Variants in RFC5 observed in about 807,000 individuals in gnomAD.
RFC5 encodes A1 36 kDa subunit.
A neutral mutation model predicts 44.3 loss-of-function variants in RFC5; 26 were observed. The observed-to-expected ratio is 0.59, with a 90% CI of 0.43 to 0.81. The LOEUF is 0.81. RFC5 is among the 40% of genes least tolerant of loss of function. RFC5 has a pLI of 0.00. For synonymous variants in RFC5, 155 were observed against 155.2 expected, an observed-to-expected ratio of 1.00 and a Z score of 0.01; for missense variants, 328 against 418.6, an observed-to-expected ratio of 0.78 and a Z score of 1.89.
At chr12:118,024,830 G>A in intron 5 of RFC5, 21 bp from the exon 6 acceptor site, 2 of 1,589,360 alleles carry the variant, frequency 1.3e-6, no homozygotes, top group Non-Finnish European at 1.7e-6. Context: ...GACATGAGGT[G>A]GTTTTATTTT....
At chr12:118,037,443 G>C (rs1366999210), downstream of RFC5, among the ~76,000 whole-genome samples, 1 of 152,132 alleles carries the variant, frequency 6.6e-6, no homozygotes, top group African/African-American at 2.4e-5. Context: ...CAGGCGGGCG[G>C]ATCACCTGAG....
chr12:118,034,574 G>GCTCTCGCTCTCTCTCTCTCTCTCTCTCT, downstream of RFC5: 1 of 528,462 alleles, frequency 1.9e-6, no homozygotes, highest in Non-Finnish European at 3.3e-6. Context: ...ATACCAAAGC[G>GCTCTCGCTCTCTCTCTCTCTCTCTCTCT]CTCTCTCTGT....
chr12:118,025,405 C>G (rs2030866307), intron 6 of RFC5: 1 of 327,324 alleles, frequency 3.1e-6, no homozygotes, highest in South Asian at 6.4e-5. Flanking sequence ...ACCTGAGCAG[C>G]TGCTTGTTGT....
downstream of RFC5, chr12:118,035,035 T>C: frequency 6.2e-7 from 1 of 1,614,140 alleles, no homozygotes; most frequent in East Asian, 2.2e-5. Flanking sequence ...CAAAGCCCAT[T>C]GGTCATAGGA....
chr12:118,028,103 C>G, intron 9 of RFC5, 73 bp downstream of exon 9: 1 of 878,518 alleles, frequency 1.1e-6, no homozygotes. Context: ...ATGGTTAGGA[C>G]AGGAGGCTTC....
In RFC5 at chr12:118,031,309, G is replaced by A; in HGVS notation, c.*31G>A. Reference sequence around the variant, plus strand: ...CTGAGGGCCATTCACAATTCTCAGGGCTCAGCAGTGATGGGAGAACAGAGG... The same window carrying A: ...CTGAGGGCCATTCACAATTCTCAGGACTCAGCAGTGATGGGAGAACAGAGG... On this transcript the variant is annotated 3_prime_UTR_variant, in exon 11 of 11. Coordinates refer to ENST00000454402, the MANE Select transcript of RFC5 (RefSeq NM_007370.7). The A allele has an allele frequency of 5.6e-6, 8 of 1,424,726 alleles. No individual in the cohort carries two copies. The highest frequency in any genetic ancestry group is 7.9e-6 in the Non-Finnish European group (8 of 1,009,280). The allele number at this position is 1,424,726 out of a possible 1,614,324, so 88.3% of individuals were successfully genotyped here. A position where few individuals can be genotyped will look rare whatever the true frequency, so the allele number is the denominator to read the frequency against.
chr12:118,019,507 G>A lies in RFC5; in HGVS notation c.131-125G>A. On this transcript the variant is annotated intron_variant, in intron 2 of 10. Coordinates refer to ENST00000454402, the MANE Select transcript of RFC5 (RefSeq NM_007370.7). This position sits in a 1 kb window ranked among gnomAD's most constrained non-coding sequence, Gnocchi z 4.2. ...AGTAGATATGAGGCCCCTACATCAAGTTGTATCTGCCTCTGATTTGGACAT... is the reference window on the plus strand; with the variant it reads ...AGTAGATATGAGGCCCCTACATCAAATTGTATCTGCCTCTGATTTGGACAT... 3.8e-6 allele frequency: 4 copies of A among 1,055,120 alleles called. No homozygotes were observed. Among genetic ancestry groups the A allele is most frequent in the Non-Finnish European group, 5.6e-6 (4 of 711,350 alleles). The allele number at this position is 1,055,120 out of a possible 1,614,324, so 65.4% of individuals were successfully genotyped here. A position where few individuals can be genotyped will look rare whatever the true frequency, so the allele number is the denominator to read the frequency against.
chr12:118,036,574 AG>A (rs1231511486), downstream of RFC5: 1 of 1,505,652 alleles, frequency 6.6e-7, no homozygotes, highest in Non-Finnish European at 8.9e-7. Context: ...AAACGGAGGG[AG>A]GGAAAGGTAC....
rs1293729843 is a variant in RFC5, at chr12:118,026,873, C to A, written c.664-16C>A. 4 of 1,610,508 alleles carry A rather than the reference C, an allele frequency of 2.5e-6. No individual in the cohort carries two copies. In the South Asian group the frequency reaches 4.4e-5, roughly 18 times the overall value. On this transcript the variant is annotated splice_polypyrimidine_tract_variant and intron_variant, in intron 7 of 10. Coordinates refer to ENST00000454402, the MANE Select transcript of RFC5 (RefSeq NM_007370.7). Reference sequence around the variant, plus strand: ...ACAGCCACTGTGATCTCCCCTTTCCCCCTCTGTCTACACAGAGCACCAATA... The same window carrying A: ...ACAGCCACTGTGATCTCCCCTTTCCACCTCTGTCTACACAGAGCACCAATA...
chr12:118,030,552 C>T (rs575541583), intron 10 of RFC5, among the ~76,000 whole-genome samples: 5 of 152,214 alleles, frequency 3.3e-5, no homozygotes, highest in Admixed American at 6.5e-5. Context: ...CGTATTTTGC[C>T]GACGAAATAA....
At chr12:118,034,406 G>T (rs760071172), downstream of RFC5, 1 of 1,599,206 alleles carries the variant, frequency 6.3e-7, no homozygotes, top group East Asian at 2.2e-5. Context: ...GGATGTTCAT[G>T]TTTTCATGAG....
At chr12:118,026,773 T>G (rs574329583) in intron 7 of RFC5, 116 bp from the exon 8 acceptor site, 19 of 1,128,436 alleles carry the variant, frequency 1.7e-5, no homozygotes, top group Non-Finnish European at 2.4e-5. Flanking sequence ...CTTGTGCCCA[T>G]AGAACTTTGC....
chr12:118,019,638 A>C lies in RFC5; in HGVS notation c.137A>C (p.Lys46Thr), dbSNP rs759764081. Residue 46 changes from lysine (K) to threonine (T), a missense_variant, in exon 3 of 11, where the codon AAG (lysine) becomes ACG (threonine). Coordinates refer to ENST00000454402, the MANE Select transcript of RFC5 (RefSeq NM_007370.7). This position sits in a 1 kb window ranked among gnomAD's most constrained non-coding sequence, Gnocchi z 4.2. The part of the protein sequence containing the change: ...SHQDILSTIQ[K>T]FINEDRLPHL... ...CTTCCTTCCTGATCCTCAGTTCAGA[A>C]GTTTATCAATGAAGACCGACTGCCA... 15 of 1,613,902 alleles carry C rather than the reference A, an allele frequency of 9.3e-6. No homozygotes were observed. Among genetic ancestry groups the C allele is most frequent in the Non-Finnish European group, 1.3e-5 (15 of 1,179,936 alleles).
chr12:118,038,106 G>A, downstream of RFC5: 1 of 486,118 alleles, frequency 2.1e-6, no homozygotes. Flanking sequence ...AATCCCTCCT[G>A]TCTTTGGGTT....
chr12:118,037,667 T>TAAAA (rs752087366), downstream of RFC5, among the ~76,000 whole-genome samples: 1 of 123,566 alleles, frequency 8.1e-6, no homozygotes. Context: ...AAACTCTGTC[T>TAAAA]AAAAAAAAAA....
At position 118,022,717 on chromosome 12, in the gene RFC5, G is replaced by A. The variant is rs5745827; in HGVS notation, c.421+358G>A. 2.8e-3 allele frequency among the ~76,000 whole-genome samples: 424 copies of A among 152,138 alleles called. 3 individuals carry two copies. The highest frequency in any genetic ancestry group is 9.3e-3 in the African/African-American group (385 of 41,520). On this transcript the variant is annotated intron_variant, in intron 5 of 10. Transcript: ENST00000454402. ...TGACCTTGGGTGATCCGCCCGCCTCGGCTTCCCAAAGTGCTGGGATTACAG... is the reference window on the plus strand; with the variant it reads ...TGACCTTGGGTGATCCGCCCGCCTCAGCTTCCCAAAGTGCTGGGATTACAG...
chr12:118,040,195 T>C, the RFC5 span, among the ~76,000 whole-genome samples: 257 of 151,956 alleles, frequency 1.7e-3, 1 homozygote, highest in African/African-American at 5.9e-3. Context: ...TCAATCATGG[T>C]TTCTTCAGCT....
At chr12:118,029,567 A>AC (rs1449073848) in intron 9 of RFC5, among the ~76,000 whole-genome samples, 1 of 152,136 alleles carries the variant, frequency 6.6e-6, no homozygotes, top group Non-Finnish European at 1.5e-5. Context: ...CTTTTTGTCT[A>AC]CCCTATAAAG....
chr12:118,023,259 C>T (rs1004611811), intron 5 of RFC5, among the ~76,000 whole-genome samples: 15 of 151,536 alleles, frequency 9.9e-5, no homozygotes, highest in Admixed American at 4.6e-4. Context: ...AGGGGCCTAG[C>T]GCAGTTCTTT....
Sources: gnomAD v4.1 joint callset for allele counts (sites outside exome capture counted in the v4.1 genomes callset) on GRCh38, gnomAD v4.1.1 for gene constraint, Gnocchi (gnomAD v3.1) non-coding constraint, MANE v1.5 for transcripts, NCBI Gene and HGNC (gene_info 2026-07-23, HGNC 2026-07-21) for gene names.